Variants in ST18 observed in about 807,000 individuals in gnomAD.
ST18 encodes suppression of tumorigenicity 18 protein.
A neutral mutation model predicts 110.0 loss-of-function variants in ST18; 50 were observed. The observed-to-expected ratio is 0.45, with a 90% confidence interval of 0.36 to 0.58. ST18 has a LOEUF of 0.58. Among genes scored for constraint, ST18 ranks in the 20% least tolerant of loss-of-function variants. ST18 has a pLI of 0.00. For missense variants in ST18, 1,306 were observed against 1,280.1 expected, an observed-to-expected ratio of 1.02 and a Z score of -0.31; for synonymous variants, 461 against 452.4, an observed-to-expected ratio of 1.02 and a Z score of -0.24.
At chr8:52,366,596 G>A (rs568224883) in intron 2 of ST18, among the ~76,000 whole-genome samples, 1 of 152,118 alleles carries the variant, frequency 6.6e-6, no homozygotes, top group African/African-American at 2.4e-5. Context: ...TTCACAGGAC[G>A]GGACCCATCG....
At chr8:52,167,023 T>A in intron 10 of ST18, 37 bp from the exon 11 acceptor site, 1 of 1,576,736 alleles carries the variant, frequency 6.3e-7, no homozygotes, top group East Asian at 2.3e-5. Flanking sequence ...CATTTGGTTA[T>A]TCTTGCTTTT....
chr8:52,373,299 T>C (rs1010103435), intron 2 of ST18, among the ~76,000 whole-genome samples: 2 of 152,128 alleles, frequency 1.3e-5, no homozygotes, highest in African/African-American at 4.8e-5. Context: ...TATCAAGTGA[T>C]ATCACATACC....
chr8:52,176,956 C>T (rs1008979436), intron 9 of ST18, among the ~76,000 whole-genome samples: 5 of 152,130 alleles, frequency 3.3e-5, no homozygotes, highest in South Asian at 2.1e-4. Flanking sequence ...TTCAAAGTTC[C>T]GAAAGCAGAG....
At chr8:52,218,189 C>A (rs2085099214) in intron 5 of ST18, among the ~76,000 whole-genome samples, 1 of 152,076 alleles carries the variant, frequency 6.6e-6, no homozygotes, top group Non-Finnish European at 1.5e-5. Flanking sequence ...GGGCTCTACA[C>A]ATTAATATAT....
At chr8:52,135,518 C>T (rs910255786) in intron 19 of ST18, among the ~76,000 whole-genome samples, 2 of 144,474 alleles carry the variant, frequency 1.4e-5, no homozygotes, top group Non-Finnish European at 3.0e-5. Context: ...CGAGACTGTG[C>T]CGTTGCACTC....
chr8:52,159,124 T>C lies in ST18; in HGVS notation c.1595-15A>G, dbSNP rs754573058. 6.2e-7 allele frequency: 1 copy of C among 1,610,134 alleles called. No individual in the cohort carries two copies. The highest frequency in any genetic ancestry group is 8.5e-7 in the Non-Finnish European group (1 of 1,177,906). ...AAAATGCTTTGCTGTTGAAGAGAGA[T>C]TTGATTAGCAATTGCATGTACATGG... On this transcript the variant is annotated splice_polypyrimidine_tract_variant and intron_variant, in intron 14 of 25. Transcript: ENST00000689386.
chr8:52,142,810 TG>T lies in ST18; in HGVS notation c.2168+119del, dbSNP rs559700059. 1.0e-4 allele frequency: 74 copies of T among 707,806 alleles called. No individual in the cohort carries two copies. The South Asian group carries it at 1.3e-3, about 13-fold the overall frequency. The allele number at this position is 707,806 out of a possible 1,614,324, so 43.8% of individuals were successfully genotyped here. A position where few individuals can be genotyped will look rare whatever the true frequency, so the allele number is the denominator to read the frequency against. ...GTTAGATGCGTGTTTAACGTTTAACTGCTGACTGGTAGAAATCACCCTAACA... is the reference window on the plus strand; with the variant it reads ...GTTAGATGCGTGTTTAACGTTTAACTCTGACTGGTAGAAATCACCCTAACA... On this transcript the variant is annotated intron_variant, in intron 17 of 25. Transcript: ENST00000689386.
intron 2 of ST18, among the ~76,000 whole-genome samples, chr8:52,231,798 T>C (rs1202292937): frequency 2.6e-5 from 4 of 152,174 alleles, no homozygotes; most frequent in African/African-American, 9.6e-5. Flanking sequence ...AGTGGCACAT[T>C]CTGGTGCCAA....
At chr8:52,399,952 G>A (rs1225188277) in intron 2 of ST18, among the ~76,000 whole-genome samples, 1 of 151,998 alleles carries the variant, frequency 6.6e-6, no homozygotes, top group Non-Finnish European at 1.5e-5. Context: ...CTCAAATCCA[G>A]TGTTTCCTTA....
chr8:52,262,241 C>T (rs901008797), intron 2 of ST18, among the ~76,000 whole-genome samples: 1 of 152,188 alleles, frequency 6.6e-6, no homozygotes, highest in Admixed American at 6.5e-5. Context: ...ATCCAATTGC[C>T]TCTCAAAGGC....
At chr8:52,206,547 C>T (rs2080153879) in intron 8 of ST18, 1 of 152,246 alleles carries the variant, frequency 6.6e-6, no homozygotes, top group African/African-American at 2.4e-5. Context: ...CTCCATCACA[C>T]AGAGGCATGG....
intron 13 of ST18, among the ~76,000 whole-genome samples, chr8:52,161,959 C>T (rs993840692): frequency 1.3e-5 from 2 of 152,198 alleles, no homozygotes; most frequent in African/African-American, 4.8e-5. Flanking sequence ...CCTATAATCC[C>T]AGCCGTTTGG....
At chr8:52,219,406 A>G (rs2085748658) in intron 5 of ST18, among the ~76,000 whole-genome samples, 1 of 152,204 alleles carries the variant, frequency 6.6e-6, no homozygotes, top group South Asian at 2.1e-4. Context: ...ACTCTAACAA[A>G]ACCATGTCTT....
rs865855446 is a variant in ST18, at chr8:52,198,083, G to A, written c.86+13996C>T. 5.9e-5 allele frequency among the ~76,000 whole-genome samples: 9 copies of A among 152,224 alleles called. No homozygotes were observed. In the South Asian group the frequency reaches 1.9e-3, roughly 32 times the overall value. On this transcript the variant is annotated intron_variant, in intron 8 of 25. Coordinates refer to ENST00000689386, the MANE Select transcript of ST18 (RefSeq NM_001352837.2). ...AGGCTGGAGTGCAATGTGCAGTGGC[G>A]CGATCTCGGCTCACTGCAACCTTCG...
chr8:52,130,118 GA>G (rs778356239), intron 22 of ST18, among the ~76,000 whole-genome samples: 3,349 of 38,952 alleles, frequency 0.086, 61 homozygotes, highest in Non-Finnish European at 0.14. Context: ...AAGAAAGAAA[GA>G]AAAGAAAGAA....
chr8:52,204,580 T>C (rs1393902157), intron 8 of ST18, among the ~76,000 whole-genome samples: 3 of 152,202 alleles, frequency 2.0e-5, no homozygotes, highest in African/African-American at 7.2e-5. Context: ...ACCGATGCTG[T>C]GAATTGCGTA....
chr8:52,308,088 C>T (rs2095843415), intron 2 of ST18, among the ~76,000 whole-genome samples: 1 of 152,212 alleles, frequency 6.6e-6, no homozygotes, highest in African/African-American at 2.4e-5. Context: ...CACGGGAGCT[C>T]TGCCAGGAAG....
At chr8:52,363,038 G>A (rs1388838007) in intron 2 of ST18, among the ~76,000 whole-genome samples, 10 of 152,120 alleles carry the variant, frequency 6.6e-5, no homozygotes, top group African/African-American at 2.2e-4. Context: ...GGTGAAACCC[G>A]TCTCTACTAA....
chr8:52,207,223 C>A (rs1231756585), intron 8 of ST18, among the ~76,000 whole-genome samples: 2 of 152,214 alleles, frequency 1.3e-5, no homozygotes, highest in African/African-American at 4.8e-5. Flanking sequence ...TGGTGGCTCA[C>A]ACCTATAATC....
Sources: allele counts gnomAD v4.1 joint callset (sites outside exome capture counted in the v4.1 genomes callset), GRCh38; gene constraint gnomAD v4.1.1; transcripts MANE v1.5; gene names NCBI Gene and HGNC (gene_info 2026-07-23, HGNC 2026-07-21).